Variants in ARHGAP26 observed in about 807,000 individuals in gnomAD.
The protein encoded by ARHGAP26 is Rho GTPase activating protein 26, also known as rho GTPase-activating protein 26.
Under a neutral mutation model 104.8 loss-of-function variants are expected in ARHGAP26, and 38 were observed. The observed-to-expected ratio is 0.36, with a 90% CI of 0.28 to 0.48. The LOEUF (loss-of-function observed/expected upper bound fraction) is 0.48, where lower values mean the gene tolerates loss of function less well. Ranked by LOEUF, ARHGAP26 falls within the 20% of genes least tolerant of loss-of-function variation. ARHGAP26 has a pLI of 0.99. For missense variants in ARHGAP26, 704 were observed against 947.9 expected, an observed-to-expected ratio of 0.74 and a Z score of 3.38; for synonymous variants, 341 against 340.0, an observed-to-expected ratio of 1.00 and a Z score of -0.03.
intron 22 of ARHGAP26, among the ~76,000 whole-genome samples, chr5:143,221,390 T>G: frequency 8.3e-6 from 1 of 120,208 alleles, no homozygotes; most frequent in East Asian, 2.3e-4. Context: ...AACAGAGAAA[T>G]GGCTATTCAA....
intron 12 of ARHGAP26, among the ~76,000 whole-genome samples, chr5:143,028,479 T>C (rs1781390631): frequency 6.6e-6 from 1 of 152,226 alleles, no homozygotes; most frequent in Non-Finnish European, 1.5e-5. Flanking sequence ...AAAGATAACA[T>C]GAACTTGAAT....
At chr5:143,098,344 T>A (rs1792718677) in intron 17 of ARHGAP26, among the ~76,000 whole-genome samples, 2 of 152,176 alleles carry the variant, frequency 1.3e-5, no homozygotes, top group Non-Finnish European at 2.9e-5. Context: ...CGTAGGTGAT[T>A]TTTTTAATTT....
At chr5:142,874,193 C>T (rs1310094586) in intron 2 of ARHGAP26, among the ~76,000 whole-genome samples, 1 of 152,230 alleles carries the variant, frequency 6.6e-6, no homozygotes, top group Non-Finnish European at 1.5e-5. Context: ...CTTCACTCTT[C>T]ACCATCACCT....
At chr5:142,823,013 G>A (rs1481303439) in intron 1 of ARHGAP26, among the ~76,000 whole-genome samples, 2 of 152,176 alleles carry the variant, frequency 1.3e-5, no homozygotes, top group African/African-American at 2.4e-5. Context: ...ATCATTTATT[G>A]TATGCTTACC....
intron 17 of ARHGAP26, among the ~76,000 whole-genome samples, chr5:143,118,901 G>C (rs1052060214): frequency 3.3e-5 from 5 of 150,316 alleles, no homozygotes; most frequent in African/African-American, 1.2e-4. Context: ...TAACAAACCT[G>C]CACATTGTGC....
At chr5:143,191,943 A>G (rs1324152037) in intron 20 of ARHGAP26, among the ~76,000 whole-genome samples, 1 of 152,224 alleles carries the variant, frequency 6.6e-6, no homozygotes, top group Non-Finnish European at 1.5e-5. Flanking sequence ...ATGACATCAG[A>G]TAATTCTGAC....
intron 11 of ARHGAP26, among the ~76,000 whole-genome samples, chr5:142,948,824 G>A (rs1404455400): frequency 6.6e-6 from 1 of 152,222 alleles, no homozygotes; most frequent in Admixed American, 6.5e-5. Flanking sequence ...CATTAAACAG[G>A]TCGGGTACGG....
intron 17 of ARHGAP26, among the ~76,000 whole-genome samples, chr5:143,062,548 G>A (rs946934538): frequency 1.1e-4 from 15 of 132,960 alleles, no homozygotes; most frequent in African/African-American, 3.9e-4. Flanking sequence ...TGGTTCCTGT[G>A]ACTTGAGTCT....
At chr5:143,024,235 T>A (rs1034611847) in intron 12 of ARHGAP26, among the ~76,000 whole-genome samples, 3 of 152,166 alleles carry the variant, frequency 2.0e-5, no homozygotes, top group African/African-American at 7.2e-5. Flanking sequence ...CCCAAAGCTA[T>A]GACTGGTGGT....
At chr5:143,047,850 G>A (rs1598791416) in intron 14 of ARHGAP26, among the ~76,000 whole-genome samples, 1 of 150,836 alleles carries the variant, frequency 6.6e-6, no homozygotes, top group South Asian at 2.1e-4. Context: ...TTATTATTCC[G>A]CTCTGTTGCC....
intron 1 of ARHGAP26, among the ~76,000 whole-genome samples, chr5:142,860,945 T>C (rs550653879): frequency 6.6e-6 from 1 of 152,284 alleles, no homozygotes; most frequent in African/African-American, 2.4e-5. Flanking sequence ...GCCTCAGCCC[T>C]AGAGATTTTG....
intron 11 of ARHGAP26, among the ~76,000 whole-genome samples, chr5:142,971,701 A>G (rs1464040369): frequency 2.6e-5 from 4 of 152,256 alleles, no homozygotes; most frequent in African/African-American, 9.6e-5. Context: ...GGTAGACACA[A>G]TTATCCCTGT....
intron 17 of ARHGAP26, among the ~76,000 whole-genome samples, chr5:143,096,793 C>CT (rs1015765919): frequency 3.5e-4 from 53 of 151,718 alleles, no homozygotes; most frequent in Middle Eastern, 3.4e-3. Flanking sequence ...TTCAACTTAT[C>CT]TTTTTTTTGC....
At chr5:142,917,037 ATTTT>A (rs35921990) in intron 10 of ARHGAP26, among the ~76,000 whole-genome samples, 4 of 135,410 alleles carry the variant, frequency 3.0e-5, no homozygotes, top group Non-Finnish European at 4.7e-5. Context: ...AGACTTTGGA[ATTTT>A]TTTTTTTTTT....
At chr5:142,955,137 G>A (rs1484912316) in intron 11 of ARHGAP26, among the ~76,000 whole-genome samples, 2 of 117,652 alleles carry the variant, frequency 1.7e-5, no homozygotes, top group African/African-American at 6.2e-5. Context: ...CCCCATCTCT[G>A]CACACACACA....
intron 14 of ARHGAP26, among the ~76,000 whole-genome samples, chr5:143,049,372 A>G (rs964186997): frequency 1.3e-5 from 2 of 152,094 alleles, no homozygotes; most frequent in Non-Finnish European, 2.9e-5. Context: ...ACTTTTTGTA[A>G]TGGATTTTCC....
chr5:143,037,128 G>T, intron 12 of ARHGAP26, 68 bp from the exon 13 acceptor site: 1 of 1,305,104 alleles, frequency 7.7e-7, no homozygotes, highest in Non-Finnish European at 1.1e-6. Flanking sequence ...ATCCTGGTTT[G>T]GTTAAGCCCT....
intron 1 of ARHGAP26, among the ~76,000 whole-genome samples, chr5:142,870,312 A>G (rs1393043162): frequency 6.6e-6 from 1 of 152,230 alleles, no homozygotes; most frequent in Non-Finnish European, 1.5e-5. Context: ...GTGAAAATCT[A>G]CATAAGATAC....
Position 143,223,652 on chromosome 5 carries a change from G to A in ARHGAP26, c.*1206G>A, listed in dbSNP as rs773443187. On this transcript the variant is annotated 3_prime_UTR_variant, in exon 23 of 23. Coordinates refer to ENST00000645722, the MANE Select transcript of ARHGAP26 (RefSeq NM_001135608.3). ...TTCAAGGTTAATTCCTAGGCTAACC[G>A]TATGGCCTATAGTTTAAAAGCACAT... is the stretch of plus-strand genomic sequence containing the variant. 7.4e-5 allele frequency: 17 copies of A among 230,804 alleles called. No individual in the cohort carries two copies. Among genetic ancestry groups the A allele is most frequent in the Admixed American group, 2.3e-4 (4 of 17,688 alleles). 14.3% of individuals were successfully genotyped at this position (230,804 alleles called of 1,614,324 possible). A position where few individuals can be genotyped will look rare whatever the true frequency, so the allele number is the denominator to read the frequency against.
Sources: allele counts gnomAD v4.1 joint callset (sites outside exome capture counted in the v4.1 genomes callset), GRCh38; gene constraint gnomAD v4.1.1; transcripts MANE v1.5; gene names NCBI Gene and HGNC (gene_info 2026-07-23, HGNC 2026-07-21).